Variants in SLC2A9 observed in about 807,000 individuals in gnomAD.
The protein encoded by SLC2A9 is solute carrier family 2 member 9.
A neutral mutation model predicts 50.6 loss-of-function variants in SLC2A9; 39 were observed. The ratio of observed to expected loss-of-function variants is 0.77; its 90% confidence interval spans 0.60 to 1.01. SLC2A9 has a LOEUF of 1.01. Among genes scored for constraint, SLC2A9 ranks in the 50% least tolerant of loss-of-function variants. The pLI, the probability that SLC2A9 is intolerant of heterozygous loss-of-function variation, is 0.00. For synonymous variants in SLC2A9, 324 were observed against 276.9 expected (o/e 1.17, Z -1.69); for missense variants, 686 against 677.6 (o/e 1.01, Z -0.14).
rs910527263 is a variant in SLC2A9, at chr4:9,971,593, G to A, written c.681+8999C>T. Among the ~76,000 whole-genome samples, 6 of 152,280 alleles carry A rather than the reference G, an allele frequency of 3.9e-5. No homozygotes were observed. In the East Asian group the frequency reaches 5.8e-4, roughly 15 times the overall value. ...TTCCAATGTAGGACCAACCAACAACGTGAGACAGGTTGATCCCAGCTGCCT... is the reference window on the plus strand; with the variant it reads ...TTCCAATGTAGGACCAACCAACAACATGAGACAGGTTGATCCCAGCTGCCT... On this transcript the variant is annotated intron_variant, in intron 5 of 11. Coordinates refer to ENST00000264784, the MANE Select transcript of SLC2A9 (RefSeq NM_020041.3).
intron 1 of SLC2A9, among the ~76,000 whole-genome samples, chr4:10,036,633 C>A (rs1209352055): frequency 6.6e-6 from 1 of 152,208 alleles, no homozygotes; most frequent in Non-Finnish European, 1.5e-5. Flanking sequence ...TTTACTCGGC[C>A]ATATTTCATT....
At chr4:9,840,977 CCTCT>C (rs1237691421) in intron 10 of SLC2A9, among the ~76,000 whole-genome samples, 7 of 152,058 alleles carry the variant, frequency 4.6e-5, no homozygotes, top group Non-Finnish European at 1.0e-4. Context: ...GTGAGAACTC[CCTCT>C]CTATCACAAG....
intron 2 of SLC2A9, among the ~76,000 whole-genome samples, chr4:10,018,131 A>G (rs1164124241): frequency 6.6e-6 from 1 of 152,240 alleles, no homozygotes; most frequent in Middle Eastern, 3.2e-3. Context: ...TGCAAACCAG[A>G]GGCACAATGT....
downstream of SLC2A9, among the ~76,000 whole-genome samples, chr4:9,795,156 G>T (rs971016846): frequency 6.6e-6 from 1 of 151,870 alleles, no homozygotes; most frequent in African/African-American, 2.4e-5. Flanking sequence ...GACTACAGGT[G>T]CACGCCCCCA....
At chr4:9,780,303 G>A (rs1718157793) in intron 3 of SLC2A9, among the ~76,000 whole-genome samples, 1 of 152,174 alleles carries the variant, frequency 6.6e-6, no homozygotes, top group Admixed American at 6.5e-5. Flanking sequence ...TTCTGGACAG[G>A]GATGTCCATG....
chr4:9,776,026 C>T (rs1216820556), downstream of SLC2A9, among the ~76,000 whole-genome samples: 4 of 151,958 alleles, frequency 2.6e-5, no homozygotes, highest in African/African-American at 7.2e-5. Flanking sequence ...ATTCTATTGG[C>T]CATAATCTCG....
At chr4:9,904,320 C>G (rs1337407193) in intron 8 of SLC2A9, among the ~76,000 whole-genome samples, 1 of 152,208 alleles carries the variant, frequency 6.6e-6, no homozygotes, top group Non-Finnish European at 1.5e-5. Context: ...CCTGCTGCAG[C>G]TTCTAGAGAA....
At chr4:9,894,373 T>C (rs1738124948) in intron 8 of SLC2A9, among the ~76,000 whole-genome samples, 1 of 152,240 alleles carries the variant, frequency 6.6e-6, no homozygotes, top group Admixed American at 6.5e-5. Flanking sequence ...ATTACAATTA[T>C]GTTAAGCTAA....
chr4:9,898,635 C>T (rs955980467), intron 8 of SLC2A9, among the ~76,000 whole-genome samples: 8 of 152,256 alleles, frequency 5.3e-5, no homozygotes, highest in African/African-American at 1.9e-4. Context: ...CTGTGTCCAA[C>T]TCCAGGCCGG....
At chr4:9,791,976 T>C (rs1173420639) in intron 3 of SLC2A9, among the ~76,000 whole-genome samples, 4 of 152,198 alleles carry the variant, frequency 2.6e-5, no homozygotes, top group Non-Finnish European at 5.9e-5. Flanking sequence ...TCCTTCACTA[T>C]ACCCCAGGTA....
chr4:9,876,179 T>C (rs1734287280), intron 10 of SLC2A9, among the ~76,000 whole-genome samples: 1 of 152,188 alleles, frequency 6.6e-6, no homozygotes, highest in African/African-American at 2.4e-5. Context: ...TATGGAGAAA[T>C]TTAATGAAAA....
intron 3 of SLC2A9, among the ~76,000 whole-genome samples, chr4:9,809,597 G>T (rs759076944): frequency 2.6e-5 from 4 of 152,102 alleles, no homozygotes; most frequent in Non-Finnish European, 4.4e-5. Context: ...TGGCCTGCAG[G>T]ACCCACCATG....
intron 5 of SLC2A9, among the ~76,000 whole-genome samples, chr4:9,966,164 C>T (rs1753019580): frequency 6.6e-6 from 1 of 152,042 alleles, no homozygotes; most frequent in Non-Finnish European, 1.5e-5. Flanking sequence ...TTGTGCCCTG[C>T]CAGCGGGAAT....
chr4:10,021,625 AGTCC>A, upstream of SLC2A9: 1 of 785,410 alleles, frequency 1.3e-6, no homozygotes, highest in South Asian at 1.7e-5. Flanking sequence ...GCAATGAAAC[AGTCC>A]AAAAAGGGAA....
At chr4:9,791,281 A>G (rs1719883492) in intron 3 of SLC2A9, among the ~76,000 whole-genome samples, 1 of 152,252 alleles carries the variant, frequency 6.6e-6, no homozygotes, top group Non-Finnish European at 1.5e-5. Flanking sequence ...GTCTCATTAA[A>G]CATCTAGAGA....
chr4:9,928,696 T>C (rs1745350863), intron 6 of SLC2A9, among the ~76,000 whole-genome samples: 1 of 152,184 alleles, frequency 6.6e-6, no homozygotes, highest in Admixed American at 6.5e-5. Flanking sequence ...AGTGCATCAC[T>C]GCACTCCCGC....
At chr4:9,802,092 C>T (rs1029424882) in intron 3 of SLC2A9, among the ~76,000 whole-genome samples, 1 of 152,110 alleles carries the variant, frequency 6.6e-6, no homozygotes, top group East Asian at 1.9e-4. Context: ...CCTGCTTCTC[C>T]AATGATGGGC....
chr4:9,884,608 T>G (rs1211749302), intron 10 of SLC2A9, among the ~76,000 whole-genome samples: 10 of 152,182 alleles, frequency 6.6e-5, no homozygotes, highest in Non-Finnish European at 1.5e-4. Context: ...CAGTTTTGAC[T>G]TTAAGGTATT....
chr4:9,978,745 A>T (rs1476311426), intron 5 of SLC2A9, among the ~76,000 whole-genome samples: 1 of 152,242 alleles, frequency 6.6e-6, no homozygotes, highest in Non-Finnish European at 1.5e-5. Context: ...AACTAAAGTC[A>T]TAGCCGTAAT....
Sources: allele counts gnomAD v4.1 joint callset (sites outside exome capture counted in the v4.1 genomes callset), GRCh38; gene constraint gnomAD v4.1.1; transcripts MANE v1.5; gene names NCBI Gene and HGNC (gene_info 2026-07-23, HGNC 2026-07-21).